Variants in CDKL1 observed in about 807,000 individuals in gnomAD.
CDKL1 encodes the protein cyclin-dependent kinase-like 1.
Under a neutral mutation model 42.0 loss-of-function variants are expected in CDKL1, and 41 were observed. The ratio of observed to expected loss-of-function variants is 0.98; its 90% confidence interval spans 0.76 to 1.27. The LOEUF (loss-of-function observed/expected upper bound fraction) is 1.27. CDKL1 is among the 50% of genes most tolerant of loss of function. CDKL1 has a pLI of 0.00. For synonymous variants in CDKL1, 153 were observed against 158.6 expected (o/e 0.96, Z 0.26); for missense variants, 394 against 428.4 (o/e 0.92, Z 0.71).
intron 5 of CDKL1, 126 bp from the exon 6 acceptor site, chr14:50,341,358 C>A: frequency 8.1e-7 from 1 of 1,233,328 alleles, no homozygotes; most frequent in South Asian, 1.9e-5. Context: ...GTTCTCAATT[C>A]TAGTTGCACA....
intron 5 of CDKL1, among the ~76,000 whole-genome samples, chr14:50,341,605 C>G (rs748225790): frequency 4.6e-5 from 7 of 151,512 alleles, no homozygotes; most frequent in African/African-American, 1.7e-4. Flanking sequence ...GTGGTGAAAC[C>G]CCGTCTCTAC....
rs1399187606 is a variant in CDKL1, at chr14:50,326,812, G to A, written c.*3262C>T. Reference sequence around the variant, plus strand: ...TCCCAGTGCTTTGGGAGGCTGAGGTGGGAGGATCACTTGAGACCAGGAGTT... The same window carrying A: ...TCCCAGTGCTTTGGGAGGCTGAGGTAGGAGGATCACTTGAGACCAGGAGTT... On this transcript the variant is annotated 3_prime_UTR_variant, in exon 10 of 10. Coordinates refer to ENST00000395834, the MANE Select transcript of CDKL1 (RefSeq NM_004196.7). 2.1e-6 allele frequency: 2 copies of A among 949,996 alleles called. No homozygotes were observed. The highest frequency in any genetic ancestry group is 4.9e-5 in the South Asian group (1 of 20,500). 58.8% of individuals were successfully genotyped at this position (949,996 alleles called of 1,614,324 possible).
intron 3 of CDKL1, among the ~76,000 whole-genome samples, chr14:50,355,769 T>C (rs2034036963): frequency 6.6e-6 from 1 of 152,212 alleles, no homozygotes; most frequent in Non-Finnish European, 1.5e-5. Flanking sequence ...ATATGTGAGA[T>C]GTAGGAAGGA....
At chr14:50,387,194 G>A (rs2035108788) in intron 2 of CDKL1, among the ~76,000 whole-genome samples, 1 of 118,592 alleles carries the variant, frequency 8.4e-6, no homozygotes, top group African/African-American at 3.4e-5. Flanking sequence ...GCAACAGACT[G>A]AGACCCTGTC....
At chr14:50,342,250 A>G (rs2033571783) in intron 4 of CDKL1, 28 bp from the exon 5 acceptor site, 1 of 1,581,790 alleles carries the variant, frequency 6.3e-7, no homozygotes, top group Non-Finnish European at 8.7e-7. Flanking sequence ...AACAAAAACA[A>G]TATTAAGGCT....
intron 2 of CDKL1, chr14:50,377,597 A>G: frequency 1.5e-6 from 2 of 1,357,478 alleles, no homozygotes; most frequent in Non-Finnish European, 2.0e-6. Flanking sequence ...TGGATCAATC[A>G]TGGAGCAGAT....
At chr14:50,389,155 G>T (rs1374300272) in intron 2 of CDKL1, among the ~76,000 whole-genome samples, 1 of 148,196 alleles carries the variant, frequency 6.7e-6, no homozygotes, top group African/African-American at 2.5e-5. Flanking sequence ...GTCTCTAACT[G>T]TAGCTCCTGT....
intron 3 of CDKL1, among the ~76,000 whole-genome samples, chr14:50,345,367 A>T (rs1449870946): frequency 6.6e-6 from 1 of 152,340 alleles, no homozygotes; most frequent in South Asian, 2.1e-4. Flanking sequence ...ACCACTGGGA[A>T]ACTGCCTGGT....
At chr14:50,377,627 C>A (rs2034771359) in intron 2 of CDKL1, 4 of 1,326,926 alleles carry the variant, frequency 3.0e-6, no homozygotes, top group Non-Finnish European at 4.0e-6. Flanking sequence ...GACCCCACTG[C>A]TGATGATAAG....
chr14:50,335,737 C>T, intron 7 of CDKL1: 1 of 984,926 alleles, frequency 1.0e-6, no homozygotes, highest in Non-Finnish European at 1.2e-6. Context: ...GAGCTGCCGA[C>T]TGGAGTGACT....
chr14:50,363,499 C>A (rs2034344818), intron 2 of CDKL1, among the ~76,000 whole-genome samples: 1 of 152,192 alleles, frequency 6.6e-6, no homozygotes, highest in Non-Finnish European at 1.5e-5. Flanking sequence ...ATAGAATTCG[C>A]AGAAAGCAGA....
At chr14:50,368,402 C>T (rs945569960) in intron 2 of CDKL1, among the ~76,000 whole-genome samples, 6 of 152,164 alleles carry the variant, frequency 3.9e-5, no homozygotes, top group Admixed American at 3.3e-4. Flanking sequence ...ACTACAGGTG[C>T]ACACCATCAT....
chr14:50,330,569 A>G (rs566642581), intron 9 of CDKL1: 2 of 192,486 alleles, frequency 1.0e-5, no homozygotes, highest in East Asian at 3.6e-4. Flanking sequence ...TTGCCTACTC[A>G]CTCTCTTCCC....
At chr14:50,367,113 G>T (rs61622611) in intron 2 of CDKL1, among the ~76,000 whole-genome samples, 19,462 of 152,198 alleles carry the variant, frequency 0.13, 1,513 homozygotes, top group South Asian at 0.28. Context: ...GAGGAAACAC[G>T]AAAGGGGAAA....
chr14:50,370,793 G>A (rs938951521), intron 2 of CDKL1, among the ~76,000 whole-genome samples: 1 of 152,130 alleles, frequency 6.6e-6, no homozygotes, highest in Non-Finnish European at 1.5e-5. Context: ...GGGCATACCT[G>A]TTTAAATGAC....
At chr14:50,365,650 A>G (rs941120480) in intron 2 of CDKL1, among the ~76,000 whole-genome samples, 1 of 152,166 alleles carries the variant, frequency 6.6e-6, no homozygotes, top group Non-Finnish European at 1.5e-5. Context: ...GATAGTTAAT[A>G]CTGAGTGCCA....
intron 3 of CDKL1, among the ~76,000 whole-genome samples, chr14:50,355,137 C>T (rs2034018433): frequency 1.3e-5 from 2 of 151,870 alleles, no homozygotes; most frequent in African/African-American, 4.8e-5. Context: ...AAGCTTTATT[C>T]TTAATGGGTC....
chr14:50,346,653 T>G (rs1378322337), intron 3 of CDKL1, among the ~76,000 whole-genome samples: 4 of 113,908 alleles, frequency 3.5e-5, no homozygotes, highest in South Asian at 4.9e-4. Flanking sequence ...AAATTTTTGG[T>G]TTTTTTTTTT....
intron 2 of CDKL1, among the ~76,000 whole-genome samples, chr14:50,373,979 T>C (rs1446435731): frequency 6.6e-6 from 1 of 152,204 alleles, no homozygotes; most frequent in South Asian, 2.1e-4. Context: ...CAAGCAAATG[T>C]TTTTAACAGC....
Sources: allele counts gnomAD v4.1 joint callset (sites outside exome capture counted in the v4.1 genomes callset), GRCh38; gene constraint gnomAD v4.1.1; transcripts MANE v1.5; gene names NCBI Gene and HGNC (gene_info 2026-07-23, HGNC 2026-07-21).